GSTCD: variants seen among roughly 807,000 people sequenced by gnomAD.
The protein encoded by GSTCD is glutathione S-transferase C-terminal domain containing, also known as glutathione S-transferase C-terminal domain-containing protein.
A neutral mutation model predicts 68.3 loss-of-function variants in GSTCD; 44 were observed. The ratio of observed to expected loss-of-function variants is 0.64; its 90% CI spans 0.51 to 0.83. GSTCD has a LOEUF of 0.83. Among genes scored for constraint, GSTCD ranks in the 40% least tolerant of loss-of-function variants. The pLI, the probability that GSTCD is intolerant of heterozygous loss-of-function variation, is 0.00. For missense variants in GSTCD, 739 were observed against 735.9 expected, an observed-to-expected ratio of 1.00 and a Z score of -0.05; for synonymous variants, 273 against 255.2, an observed-to-expected ratio of 1.07 and a Z score of -0.67.
intron 5 of GSTCD, among the ~76,000 whole-genome samples, chr4:105,759,275 C>T (rs1734311152): frequency 6.6e-6 from 1 of 151,964 alleles, no homozygotes; most frequent in African/African-American, 2.4e-5. Context: ...AAATGTCAGC[C>T]TCTCTACATT....
chr4:105,833,568 TTA>T (rs760424213), intron 8 of GSTCD, among the ~76,000 whole-genome samples: 15 of 152,188 alleles, frequency 9.9e-5, no homozygotes, highest in Non-Finnish European at 1.8e-4. Context: ...TCATTACAAT[TTA>T]TGTTTGTTCA....
intron 5 of GSTCD, among the ~76,000 whole-genome samples, chr4:105,785,390 C>G (rs1281576147): frequency 6.6e-6 from 1 of 151,828 alleles, no homozygotes; most frequent in Non-Finnish European, 1.5e-5. Flanking sequence ...TCAATTTACC[C>G]TAGAAAGGCA....
Position 105,733,144 on chromosome 4 carries a change from C to T in GSTCD, c.1240+3645C>T, listed in dbSNP as rs189960649. ...ATTTTGGAATAAGTGTGGTGTGGTG[C>T]TGAGAAAAATGTATATTCTGTTGAT... On this transcript the variant is annotated intron_variant, in intron 5 of 11. Transcript: ENST00000515279. 7.1e-4 allele frequency among the ~76,000 whole-genome samples: 108 copies of T among 152,254 alleles called. 2 individuals carry two copies. In the East Asian group the frequency reaches 0.021, roughly 29 times the overall value.
chr4:105,831,701 T>C (rs1377771394), intron 8 of GSTCD, among the ~76,000 whole-genome samples: 1 of 152,166 alleles, frequency 6.6e-6, no homozygotes, highest in Non-Finnish European at 1.5e-5. Flanking sequence ...GTTTGTGCTG[T>C]AAGTTGTCAA....
chr4:105,750,479 A>G (rs993607853), intron 5 of GSTCD, among the ~76,000 whole-genome samples: 26 of 151,518 alleles, frequency 1.7e-4, no homozygotes, highest in African/African-American at 6.3e-4. Flanking sequence ...AAAAAAAAAA[A>G]GAAAAGTAAC....
chr4:105,736,802 TA>T (rs1042931178), intron 5 of GSTCD, among the ~76,000 whole-genome samples: 6 of 152,202 alleles, frequency 3.9e-5, no homozygotes, highest in Admixed American at 2.6e-4. Context: ...CAACTTTTTT[TA>T]CCTTCCATTT....
At chr4:105,748,893 A>G (rs999483828) in intron 5 of GSTCD, among the ~76,000 whole-genome samples, 1 of 152,048 alleles carries the variant, frequency 6.6e-6, no homozygotes, top group Non-Finnish European at 1.5e-5. Context: ...AAAATTGTCC[A>G]TTATGACATT....
intron 6 of GSTCD, 39 bp downstream of exon 6, chr4:105,823,108 A>C (rs1723394067): frequency 3.2e-6 from 5 of 1,579,150 alleles, no homozygotes; most frequent in Non-Finnish European, 4.4e-6. Flanking sequence ...AGTCTTTCTA[A>C]GATTATGAGA....
At position 105,846,401 on chromosome 4, in the gene GSTCD, A is replaced by G. The variant is rs1724548643; in HGVS notation, c.*824A>G. ...AAATAAATAAATAAATAAATTTCCC[A>G]TAAATTACCAAATGAGATTGTCACT... On this transcript the variant is annotated 3_prime_UTR_variant, in exon 12 of 12. Coordinates refer to ENST00000515279, the MANE Select transcript of GSTCD (RefSeq NM_001370181.1). The G allele has an allele frequency of 6.6e-6, 1 of 152,204 alleles. No homozygotes were observed. The highest frequency in any genetic ancestry group is 2.1e-4 in the South Asian group (1 of 4,830). The allele number at this position is 152,204 out of a possible 1,614,324, so 9.4% of individuals were successfully genotyped here.
rs550625102 is a variant in GSTCD at position 105,744,281 on chromosome 4, A to T, written c.1240+14782A>T. ...CCTATCAGGAGGCACATTATGTCAG[A>T]TTGCACACAGTGCTATTTGGTTAAG... On this transcript the variant is annotated intron_variant, in intron 5 of 11. Coordinates refer to ENST00000515279, the MANE Select transcript of GSTCD (RefSeq NM_001370181.1). 9.8e-5 allele frequency among the ~76,000 whole-genome samples: 15 copies of T among 152,346 alleles called. No individual in the cohort carries two copies. The South Asian group carries it at 3.1e-3, about 32-fold the overall frequency.
At chr4:105,734,344 C>CT (rs1733377066) in intron 5 of GSTCD, among the ~76,000 whole-genome samples, 1 of 152,208 alleles carries the variant, frequency 6.6e-6, no homozygotes, top group African/African-American at 2.4e-5. Flanking sequence ...TGGATTTGGT[C>CT]TTTTCACATA....
chr4:105,844,930 A>G (rs1400604955), intron 11 of GSTCD, among the ~76,000 whole-genome samples: 2 of 152,248 alleles, frequency 1.3e-5, no homozygotes, highest in Admixed American at 1.3e-4. Flanking sequence ...CACCTGAAAT[A>G]AAAGGCATGT....
At chr4:105,730,109 A>G (rs1461579006) in intron 5 of GSTCD, among the ~76,000 whole-genome samples, 2 of 152,192 alleles carry the variant, frequency 1.3e-5, no homozygotes, top group Admixed American at 6.5e-5. Context: ...TCCATGGTGT[A>G]TATGTGCCAC....
chr4:105,836,323 T>C (rs1724117511), intron 9 of GSTCD, among the ~76,000 whole-genome samples: 1 of 152,208 alleles, frequency 6.6e-6, no homozygotes, highest in Admixed American at 6.5e-5. Flanking sequence ...ATGCGATTGG[T>C]CCATGGGTGG....
At chr4:105,791,351 C>T (rs1464509061) in intron 5 of GSTCD, among the ~76,000 whole-genome samples, 1 of 149,778 alleles carries the variant, frequency 6.7e-6, no homozygotes, top group East Asian at 2.0e-4. Context: ...CGAGATCGCG[C>T]CACTGCACTC....
intron 5 of GSTCD, among the ~76,000 whole-genome samples, chr4:105,754,184 A>G (rs1472314857): frequency 1.3e-5 from 2 of 152,138 alleles, no homozygotes; most frequent in Non-Finnish European, 1.5e-5. Context: ...ACCCAAGCCC[A>G]TTCATTATTT....
At chr4:105,743,824 A>G (rs1733717618) in intron 5 of GSTCD, among the ~76,000 whole-genome samples, 1 of 151,660 alleles carries the variant, frequency 6.6e-6, no homozygotes, top group South Asian at 2.1e-4. Context: ...ACGCCCGGCT[A>G]ATTTTTTTTG....
intron 5 of GSTCD, among the ~76,000 whole-genome samples, chr4:105,749,538 A>G (rs947140590): frequency 1.3e-5 from 2 of 152,030 alleles, no homozygotes; most frequent in Admixed American, 6.5e-5. Flanking sequence ...CATAAAATGC[A>G]TAAAAGCAAC....
chr4:105,744,448 C>T (rs1733736036), intron 5 of GSTCD, among the ~76,000 whole-genome samples: 1 of 152,182 alleles, frequency 6.6e-6, no homozygotes, highest in Non-Finnish European at 1.5e-5. Flanking sequence ...ATTTTCAAGT[C>T]TGTCATCCTT....
Sources: allele counts gnomAD v4.1 joint callset (sites outside exome capture counted in the v4.1 genomes callset), GRCh38; gene constraint gnomAD v4.1.1; transcripts MANE v1.5; gene names NCBI Gene and HGNC (gene_info 2026-07-23, HGNC 2026-07-21).